Variants in UNC13C observed in about 807,000 individuals in gnomAD.
UNC13C encodes protein unc-13 homolog C.
Under a neutral mutation model 245.4 loss-of-function variants are expected in UNC13C, and 174 were observed. The observed-to-expected ratio is 0.71, with a 90% CI of 0.63 to 0.80. The LOEUF (loss-of-function observed/expected upper bound fraction) is 0.80. Ranked by LOEUF, UNC13C falls within the 30% of genes least tolerant of loss-of-function variation. The pLI is 0.00. For missense variants in UNC13C, 2,829 were observed against 2,602.9 expected (o/e 1.09, Z -1.89); for synonymous variants, 992 against 895.1 (o/e 1.11, Z -1.93).
chr15:54,143,725 A>T (rs2032131492), intron 4 of UNC13C, 41 bp downstream of exon 4: 10 of 1,520,454 alleles, frequency 6.6e-6, no homozygotes, highest in Non-Finnish European at 9.1e-6. Context: ...CCATTCATAG[A>T]TGGCACTTGG....
chr15:54,093,522 T>G (rs538176840), intron 2 of UNC13C, among the ~76,000 whole-genome samples: 6 of 152,236 alleles, frequency 3.9e-5, no homozygotes, highest in African/African-American at 1.4e-4. Context: ...TCTTGAGCAG[T>G]TTAATGAGAA....
the UNC13C span, among the ~76,000 whole-genome samples, chr15:53,838,205 C>T: frequency 6.6e-6 from 1 of 151,934 alleles, no homozygotes; most frequent in African/African-American, 2.4e-5. Flanking sequence ...TCTATAAATA[C>T]GATGTGTTTA....
chr15:53,930,134 C>G, the UNC13C span, among the ~76,000 whole-genome samples: 1 of 152,276 alleles, frequency 6.6e-6, no homozygotes, highest in Non-Finnish European at 1.5e-5. Flanking sequence ...TTGAAGCTGA[C>G]TGTCAGCTAA....
At chr15:54,493,856 T>A (rs1596473809) in intron 19 of UNC13C, among the ~76,000 whole-genome samples, 1 of 152,060 alleles carries the variant, frequency 6.6e-6, no homozygotes, top group South Asian at 2.1e-4. Context: ...CAGGTCACAA[T>A]AGCTTAACAA....
intron 30 of UNC13C, chr15:54,611,686 T>C (rs1900106899): frequency 6.6e-6 from 1 of 152,154 alleles, no homozygotes; most frequent in African/African-American, 2.4e-5. Flanking sequence ...TGATAACTGT[T>C]ATGCTTTAGC....
At chr15:53,883,066 A>G in the UNC13C span, among the ~76,000 whole-genome samples, 1 of 152,184 alleles carries the variant, frequency 6.6e-6, no homozygotes, top group South Asian at 2.1e-4. Context: ...AAAAAGTTAA[A>G]GGAAAAAATT....
the UNC13C span, among the ~76,000 whole-genome samples, chr15:53,942,566 G>GA: frequency 6.0e-3 from 756 of 126,640 alleles, 3 homozygotes; most frequent in African/African-American, 0.016. Flanking sequence ...AATAAAAATT[G>GA]AAAAAAAAAA....
intron 2 of UNC13C, among the ~76,000 whole-genome samples, chr15:54,075,187 T>A (rs1461116799): frequency 1.3e-5 from 2 of 152,048 alleles, no homozygotes; most frequent in East Asian, 3.9e-4. Context: ...GTTTTTACTA[T>A]CAAAAGTCAC....
intron 1 of UNC13C, among the ~76,000 whole-genome samples, chr15:54,002,211 GGGAGGC>G (rs1894925362): frequency 6.6e-6 from 1 of 152,132 alleles, no homozygotes; most frequent in African/African-American, 2.4e-5. Context: ...GTGTGAACCT[GGGAGGC>G]GGAGCTTGCA....
rs534283102 is a variant in UNC13C at position 54,383,273 on chromosome 15, A to G, written c.4714-9775A>G. 5.3e-5 allele frequency among the ~76,000 whole-genome samples: 8 copies of G among 152,316 alleles called. No homozygotes were observed. The East Asian group carries it at 1.5e-3, about 29-fold the overall frequency. ...AGACCAATATCTCTGATAAATATAG[A>G]TGCAAAAATCCTTATGAAATACTAA... On this transcript the variant is annotated intron_variant, in intron 17 of 32. Transcript: ENST00000260323.
At chr15:54,554,970 TA>T in intron 28 of UNC13C, among the ~76,000 whole-genome samples, 1 of 152,006 alleles carries the variant, frequency 6.6e-6, no homozygotes, top group Non-Finnish European at 1.5e-5. Context: ...CAGGAATGAG[TA>T]AGAATTGAGG....
At chr15:54,431,735 G>A (rs2040877726) in intron 19 of UNC13C, among the ~76,000 whole-genome samples, 2 of 151,602 alleles carry the variant, frequency 1.3e-5, no homozygotes, top group Admixed American at 6.6e-5. Context: ...CACAAGCTCA[G>A]AGAATTAGAC....
Position 54,628,052 on chromosome 15 carries a change from AG to A in UNC13C, c.*940del, listed in dbSNP as rs916434112. The stretch of plus-strand genomic sequence containing the variant: ...TACTATATATTGTACTGATGCCAAA[AG>A]TCATGTTTTCATCCACTTAGTGAAA... On this transcript the variant is annotated 3_prime_UTR_variant, in exon 33 of 33. Coordinates refer to ENST00000260323, the MANE Select transcript of UNC13C (RefSeq NM_001080534.3). The A allele has an allele frequency of 2.1e-4, 32 of 152,008 alleles. No homozygotes were observed. The highest frequency in any genetic ancestry group is 7.0e-4 in the African/African-American group (29 of 41,308). The allele number at this position is 152,008 out of a possible 1,614,324, so 9.4% of individuals were successfully genotyped here. A position where few individuals can be genotyped will look rare whatever the true frequency, so the allele number is the denominator to read the frequency against.
intron 13 of UNC13C, chr15:54,321,362 C>G (rs1402662541): frequency 4.2e-6 from 2 of 480,990 alleles, no homozygotes; most frequent in African/African-American, 2.0e-5. Flanking sequence ...CCACCAAGAT[C>G]TTTTTCAAAT....
chr15:54,132,518 C>T (rs138636003), intron 2 of UNC13C, among the ~76,000 whole-genome samples: 33 of 152,342 alleles, frequency 2.2e-4, no homozygotes, highest in African/African-American at 7.5e-4. Flanking sequence ...GGTACTTCCT[C>T]TGACCTGGAA....
chr15:54,030,391 A>G (rs1299839021), intron 2 of UNC13C, among the ~76,000 whole-genome samples: 1 of 152,222 alleles, frequency 6.6e-6, no homozygotes, highest in African/African-American at 2.4e-5. Context: ...ACTCCTGTGA[A>G]CAATATAAAG....
chr15:54,230,400 G>A (rs2035517154), intron 4 of UNC13C, among the ~76,000 whole-genome samples: 1 of 151,846 alleles, frequency 6.6e-6, no homozygotes, highest in Non-Finnish European at 1.5e-5. Flanking sequence ...TTTTCATGGT[G>A]TCTTCTCAAA....
chr15:54,458,286 A>T (rs1431795881), intron 19 of UNC13C, among the ~76,000 whole-genome samples: 1 of 151,962 alleles, frequency 6.6e-6, no homozygotes, highest in Non-Finnish European at 1.5e-5. Context: ...ATTTATTGAG[A>T]CTTGTTTTGT....
chr15:54,311,143 C>A (rs1422450184), intron 13 of UNC13C, among the ~76,000 whole-genome samples: 1 of 151,646 alleles, frequency 6.6e-6, no homozygotes, highest in Non-Finnish European at 1.5e-5. Flanking sequence ...CCTGAAAATT[C>A]TGTTGCTCAG....
Sources: allele counts gnomAD v4.1 joint callset (sites outside exome capture counted in the v4.1 genomes callset), GRCh38; gene constraint gnomAD v4.1.1; transcripts MANE v1.5; gene names NCBI Gene and HGNC (gene_info 2026-07-23, HGNC 2026-07-21).